The following MYO16 variants were observed in gnomAD, a reference collection of about 807,000 sequenced individuals.
MYO16 encodes myosin XVI.
A neutral mutation model predicts 205.3 loss-of-function variants in MYO16; 94 were observed. The ratio of observed to expected loss-of-function variants is 0.46; its 90% CI spans 0.39 to 0.54. The LOEUF (loss-of-function observed/expected upper bound fraction) is 0.54, where lower values mean the gene tolerates loss of function less well. Among genes scored for constraint, MYO16 ranks in the 20% least tolerant of loss-of-function variants. The pLI, the probability that MYO16 is intolerant of heterozygous loss-of-function variation, is 0.00. For synonymous variants in MYO16, 988 were observed against 954.0 expected, an observed-to-expected ratio of 1.04 and a Z score of -0.66; for missense variants, 2,315 against 2,387.5, an observed-to-expected ratio of 0.97 and a Z score of 0.63.
intron 23 of MYO16, among the ~76,000 whole-genome samples, chr13:109,023,828 G>T (rs1886256311): frequency 7.6e-6 from 1 of 132,176 alleles, no homozygotes; most frequent in African/African-American, 2.8e-5. Flanking sequence ...TTTTATATTT[G>T]CATTTATTAG....
At position 109,022,631 on chromosome 13, in the gene MYO16, A is replaced by C. The variant is rs1000934030; in HGVS notation, c.2796+2720A>C. Among the ~76,000 whole-genome samples the C allele has an allele frequency of 3.6e-4, 47 of 131,234 alleles. 3 individuals are homozygous for C. Among genetic ancestry groups the C allele is most frequent in the African/African-American group, 1.1e-3 (37 of 33,166 alleles). The allele number at this position is 131,234 out of a possible 152,430, so 86.1% of individuals were successfully genotyped here. A position where few individuals can be genotyped will look rare whatever the true frequency, so the allele number is the denominator to read the frequency against. On this transcript the variant is annotated intron_variant, in intron 23 of 34. Transcript: ENST00000457511. ...GCATATAAACATATGTATATATATTATATATATGCATATAAACATATGTAT... is the reference window on the plus strand; with the variant it reads ...GCATATAAACATATGTATATATATTCTATATATGCATATAAACATATGTAT...
chr13:108,737,288 T>G (rs1028983677), intron 4 of MYO16, among the ~76,000 whole-genome samples: 4 of 152,176 alleles, frequency 2.6e-5, no homozygotes, highest in African/African-American at 9.7e-5. Context: ...CATAAATAGC[T>G]GTTATTATTT....
intron 32 of MYO16, among the ~76,000 whole-genome samples, chr13:109,150,172 C>T (rs540337095): frequency 3.5e-4 from 53 of 152,278 alleles, no homozygotes; most frequent in Non-Finnish European, 6.9e-4. Context: ...AGGGGAAAGA[C>T]AGACAATCAA....
intron 4 of MYO16, chr13:108,780,165 C>A (rs990536766): frequency 6.6e-6 from 1 of 151,930 alleles, no homozygotes; most frequent in African/African-American, 2.4e-5. Flanking sequence ...TGTGCCATCA[C>A]AAAGGCAGTA....
At chr13:108,974,888 A>G (rs992421454) in intron 20 of MYO16, among the ~76,000 whole-genome samples, 10 of 152,188 alleles carry the variant, frequency 6.6e-5, no homozygotes, top group African/African-American at 2.2e-4. Context: ...GGAGCTAAGG[A>G]GGGAACATCT....
intron 23 of MYO16, among the ~76,000 whole-genome samples, chr13:109,024,706 C>T (rs1324971829): frequency 6.6e-6 from 1 of 152,046 alleles, no homozygotes; most frequent in Non-Finnish European, 1.5e-5. Flanking sequence ...AGATTTTTCT[C>T]ATGGGAGTCA....
At chr13:108,686,027 C>G (rs1882662774) in intron 2 of MYO16, among the ~76,000 whole-genome samples, 1 of 152,162 alleles carries the variant, frequency 6.6e-6, no homozygotes, top group South Asian at 2.1e-4. Context: ...AGACACAGGT[C>G]AGCCCATAGA....
At chr13:108,517,454 T>G in the MYO16 span, among the ~76,000 whole-genome samples, 3 of 152,176 alleles carry the variant, frequency 2.0e-5, no homozygotes, top group Admixed American at 6.5e-5. Flanking sequence ...GCTGGTGAAT[T>G]CAAAATATCA....
intron 16 of MYO16, among the ~76,000 whole-genome samples, chr13:108,955,008 G>A (rs1319340226): frequency 1.3e-5 from 2 of 152,146 alleles, no homozygotes; most frequent in East Asian, 1.9e-4. Flanking sequence ...TCTCTGCTCC[G>A]CAGCTGTGTC....
intron 16 of MYO16, among the ~76,000 whole-genome samples, chr13:108,953,548 G>A (rs536996415): frequency 1.7e-4 from 25 of 150,004 alleles, no homozygotes; most frequent in Non-Finnish European, 2.1e-4. Flanking sequence ...CGATAATAAA[G>A]ATTTAAATGT....
At chr13:108,504,926 A>T in the MYO16 span, among the ~76,000 whole-genome samples, 17 of 151,974 alleles carry the variant, frequency 1.1e-4, no homozygotes, top group Non-Finnish European at 2.5e-4. Flanking sequence ...TTTTGTAACT[A>T]TTTTTTTCAT....
chr13:109,116,332 A>G (rs1181221866), intron 28 of MYO16, among the ~76,000 whole-genome samples: 6 of 152,084 alleles, frequency 3.9e-5, no homozygotes, highest in Non-Finnish European at 7.4e-5. Context: ...GCAGATTTGC[A>G]TAGGCTACAT....
chr13:108,985,930 C>T (rs762931679), intron 20 of MYO16, among the ~76,000 whole-genome samples: 12 of 152,066 alleles, frequency 7.9e-5, no homozygotes, highest in East Asian at 3.9e-4. Flanking sequence ...AAGACATACC[C>T]GAGACTGGGT....
At chr13:108,999,113 G>C (rs1355752657) in intron 21 of MYO16, among the ~76,000 whole-genome samples, 1 of 152,144 alleles carries the variant, frequency 6.6e-6, no homozygotes, top group Non-Finnish European at 1.5e-5. Flanking sequence ...ATGGGTAATG[G>C]TTGCTATATT....
intron 4 of MYO16, among the ~76,000 whole-genome samples, chr13:108,739,767 G>A (rs1884835856): frequency 6.6e-6 from 1 of 152,152 alleles, no homozygotes; most frequent in Admixed American, 6.5e-5. Context: ...TCACTTTCAG[G>A]TACACCAGTC....
At chr13:109,091,423 A>G (rs1159484455) in intron 27 of MYO16, among the ~76,000 whole-genome samples, 4 of 152,066 alleles carry the variant, frequency 2.6e-5, no homozygotes, top group Non-Finnish European at 5.9e-5. Context: ...CATTGATTCT[A>G]TTTCACCCTC....
At chr13:109,205,839 A>C (rs1880577851) in intron 34 of MYO16, among the ~76,000 whole-genome samples, 2 of 152,162 alleles carry the variant, frequency 1.3e-5, no homozygotes, top group Admixed American at 1.3e-4. Context: ...AAGGCCCATA[A>C]TGTTCCCATC....
At chr13:108,861,149 C>G (rs113606073) in intron 11 of MYO16, among the ~76,000 whole-genome samples, 4 of 152,208 alleles carry the variant, frequency 2.6e-5, no homozygotes, top group African/African-American at 9.6e-5. Context: ...CATGAACACA[C>G]CCACGTAACC....
intron 23 of MYO16, among the ~76,000 whole-genome samples, chr13:109,044,904 G>A (rs550157909): frequency 6.6e-6 from 1 of 152,076 alleles, no homozygotes; most frequent in Non-Finnish European, 1.5e-5. Flanking sequence ...TGGTCAGGCT[G>A]GTCTCAAACT....
Sources: gnomAD v4.1 joint callset for allele counts (sites outside exome capture counted in the v4.1 genomes callset) on GRCh38, gnomAD v4.1.1 for gene constraint, MANE v1.5 for transcripts, NCBI Gene and HGNC (gene_info 2026-07-23, HGNC 2026-07-21) for gene names.